Variants in KCNH5 observed in about 807,000 individuals in gnomAD.
KCNH5 encodes potassium voltage-gated channel subfamily H member 5, also known as voltage-gated delayed rectifier potassium channel KCNH5.
Under a neutral mutation model 96.1 loss-of-function variants are expected in KCNH5, and 46 were observed. That is an observed-to-expected ratio of 0.48 (90% confidence interval 0.38 to 0.61). KCNH5 has a LOEUF of 0.61. KCNH5 is among the 20% of genes least tolerant of loss of function. KCNH5 has a pLI of 0.00. For synonymous variants in KCNH5, 439 were observed against 449.8 expected, an observed-to-expected ratio of 0.98 and a Z score of 0.30; for missense variants, 907 against 1,225.8, an observed-to-expected ratio of 0.74 and a Z score of 3.88.
intron 6 of KCNH5, among the ~76,000 whole-genome samples, chr14:62,967,708 T>C (rs1184773312): frequency 6.6e-6 from 1 of 152,134 alleles, no homozygotes; most frequent in Admixed American, 6.5e-5. Flanking sequence ...AACAAAACTA[T>C]GATTTCTCAA....
At chr14:62,926,326 G>A (rs139761972) in intron 7 of KCNH5, among the ~76,000 whole-genome samples, 1 of 152,096 alleles carries the variant, frequency 6.6e-6, no homozygotes, top group Non-Finnish European at 1.5e-5. Context: ...AAAAGCTGCC[G>A]GTATCTCAAA....
intron 1 of KCNH5, among the ~76,000 whole-genome samples, chr14:63,019,135 C>T (rs151325092): frequency 2.6e-5 from 4 of 151,344 alleles, no homozygotes; most frequent in East Asian, 1.9e-4. Context: ...TGTTATTGGA[C>T]GATATGATAG....
rs562614484 is a variant in KCNH5, at chr14:63,033,592, C to T, written c.73+11522G>A. Among the ~76,000 whole-genome samples, 6 of 152,266 alleles carry T rather than the reference C, an allele frequency of 3.9e-5. No individual in the cohort carries two copies. In the East Asian group the frequency reaches 5.8e-4, roughly 15 times the overall value. The stretch of plus-strand genomic sequence containing the variant: ...GTAGGCTTGGTGAACGCCTGCCTCC[C>T]CTACCAGACTCTGAGTTCCATGAGG... On this transcript the variant is annotated intron_variant, in intron 1 of 10. Transcript: ENST00000322893.
rs1886536937 is a variant in KCNH5, at chr14:62,796,174, GA to G, written c.1822+6154del. ...GATTGACACAATTATACCTTAGGAA[GA>G]TTATTGTGGTGGCAGCGAAACATTG... On this transcript the variant is annotated intron_variant, in intron 9 of 10. Transcript: ENST00000322893. Among the ~76,000 whole-genome samples, 3 of 152,272 alleles carry G rather than the reference GA, an allele frequency of 2.0e-5. No individual in the cohort carries two copies. In the South Asian group the frequency reaches 6.2e-4, roughly 32 times the overall value.
intron 7 of KCNH5, among the ~76,000 whole-genome samples, chr14:62,888,802 T>G (rs529135250): frequency 6.6e-6 from 1 of 152,288 alleles, no homozygotes; most frequent in African/African-American, 2.4e-5. Flanking sequence ...TGTATCCCTC[T>G]TCCTAAAAAT....
At chr14:62,771,506 T>C (rs1885986678) in intron 10 of KCNH5, among the ~76,000 whole-genome samples, 2 of 151,990 alleles carry the variant, frequency 1.3e-5, no homozygotes, top group Non-Finnish European at 2.9e-5. Flanking sequence ...GCGCCTGTAG[T>C]CCCAGCTACT....
intron 6 of KCNH5, among the ~76,000 whole-genome samples, chr14:62,974,319 C>T (rs752100079): frequency 6.6e-6 from 1 of 152,090 alleles, no homozygotes; most frequent in Non-Finnish European, 1.5e-5. Flanking sequence ...GCAGCTGCTC[C>T]ATCTTTGATG....
chr14:62,846,536 T>G (rs1887694633), intron 8 of KCNH5, among the ~76,000 whole-genome samples: 1 of 151,782 alleles, frequency 6.6e-6, no homozygotes, highest in Non-Finnish European at 1.5e-5. Context: ...ATTCTCAGTT[T>G]TTCTGATATT....
intron 4 of KCNH5, 83 bp downstream of exon 4, chr14:63,001,248 G>A: frequency 7.8e-7 from 1 of 1,288,386 alleles, no homozygotes; most frequent in Non-Finnish European, 1.0e-6. Context: ...TTGTTTTCCA[G>A]TTCAATCAGC....
intron 4 of KCNH5, among the ~76,000 whole-genome samples, chr14:62,989,121 T>G (rs927524168): frequency 2.0e-5 from 3 of 152,030 alleles, no homozygotes; most frequent in Admixed American, 2.0e-4. Context: ...ACCCCTACTA[T>G]GTCAGACAAC....
intron 7 of KCNH5, among the ~76,000 whole-genome samples, chr14:62,878,663 C>T (rs1299933004): frequency 1.3e-5 from 2 of 152,052 alleles, no homozygotes; most frequent in African/African-American, 4.8e-5. Context: ...GTTTGAAGGT[C>T]CTTTACATTC....
chr14:62,703,259 T>C lies in KCNH5; in HGVS notation c.*4249A>G, dbSNP rs1159941425. ...CTCTCTCCATTAACCTCTGACCAGA[T>C]AAATCTCTTCTAAAACCTAAAAGAA... On this transcript the variant is annotated 3_prime_UTR_variant, in exon 11 of 11. Coordinates refer to ENST00000322893, the MANE Select transcript of KCNH5 (RefSeq NM_139318.5). 1 of 151,856 alleles carries C rather than the reference T, an allele frequency of 6.6e-6. No homozygotes were observed. Among genetic ancestry groups the C allele is most frequent in the East Asian group, 1.9e-4 (1 of 5,192 alleles). 9.4% of individuals were successfully genotyped at this position (151,856 alleles called of 1,614,324 possible).
chr14:63,004,647 C>G (rs1348733212), intron 3 of KCNH5, among the ~76,000 whole-genome samples: 1 of 152,144 alleles, frequency 6.6e-6, no homozygotes, highest in Non-Finnish European at 1.5e-5. Flanking sequence ...CTCTGTCACC[C>G]AGGCTGGAAT....
chr14:63,010,626 C>T (rs759856413), intron 2 of KCNH5, among the ~76,000 whole-genome samples: 1 of 152,196 alleles, frequency 6.6e-6, no homozygotes, highest in African/African-American at 2.4e-5. Context: ...CAGGCCTGGT[C>T]TAGGCCATAC....
intron 8 of KCNH5, among the ~76,000 whole-genome samples, chr14:62,811,132 G>T (rs1285026610): frequency 6.6e-6 from 1 of 152,126 alleles, no homozygotes; most frequent in African/African-American, 2.4e-5. Flanking sequence ...AATTCTTTAT[G>T]ATATTCACTA....
rs796852312 is a variant in KCNH5, at chr14:62,934,139, T to TC, written c.1369+15993_1369+15994insG. 2.6e-4 allele frequency among the ~76,000 whole-genome samples: 39 copies of TC among 150,688 alleles called. No individual in the cohort carries two copies. In the South Asian group the frequency reaches 6.3e-3, roughly 24 times the overall value. On this transcript the variant is annotated intron_variant, in intron 7 of 10. Transcript: ENST00000322893. ...AGATTTCTTTCTTTCTTTCTTTCTTTTTTTTTTTTTGAGATAGAGTCTCAC... is the reference window on the plus strand; with the variant it reads ...AGATTTCTTTCTTTCTTTCTTTCTTTCTTTTTTTTTTGAGATAGAGTCTCAC...
chr14:62,801,501 T>A (rs1016439224), intron 9 of KCNH5, among the ~76,000 whole-genome samples: 5 of 119,098 alleles, frequency 4.2e-5, no homozygotes, highest in African/African-American at 1.8e-4. Flanking sequence ...ATTTGGCAAT[T>A]TTTTTTTTTT....
chr14:62,998,015 A>C (rs191179231), intron 4 of KCNH5, among the ~76,000 whole-genome samples: 2,340 of 151,676 alleles, frequency 0.015, 37 homozygotes, highest in Non-Finnish European at 0.022. Flanking sequence ...AGGTTAAGAG[A>C]GCTCTCTCTG....
At chr14:62,785,829 A>G (rs1318851425) in intron 9 of KCNH5, among the ~76,000 whole-genome samples, 1 of 152,186 alleles carries the variant, frequency 6.6e-6, no homozygotes, top group Non-Finnish European at 1.5e-5. Context: ...TTATAGCCAG[A>G]TTTATTTTTT....
Sources: allele counts gnomAD v4.1 joint callset (sites outside exome capture counted in the v4.1 genomes callset), GRCh38; gene constraint gnomAD v4.1.1; transcripts MANE v1.5; gene names NCBI Gene and HGNC (gene_info 2026-07-23, HGNC 2026-07-21).